CALN1: variants seen among roughly 807,000 people sequenced by gnomAD.
The protein encoded by CALN1 is calneuron 1.
A neutral mutation model predicts 30.6 loss-of-function variants in CALN1; 17 were observed. The ratio of observed to expected loss-of-function variants is 0.56; its 90% confidence interval spans 0.38 to 0.83. The LOEUF is 0.83. Ranked by LOEUF, CALN1 falls within the 40% of genes least tolerant of loss-of-function variation. The pLI is 0.00. For missense variants in CALN1, 291 were observed against 354.9 expected, an observed-to-expected ratio of 0.82 and a Z score of 1.45; for synonymous variants, 156 against 131.4, an observed-to-expected ratio of 1.19 and a Z score of -1.28.
chr7:72,079,472 G>A (rs192013469), intron 4 of CALN1, among the ~76,000 whole-genome samples: 59 of 152,142 alleles, frequency 3.9e-4, no homozygotes, highest in African/African-American at 1.2e-3. Flanking sequence ...CGTAGCTCAC[G>A]GCCACACAGC....
At chr7:72,298,061 A>C (rs967877864) in intron 2 of CALN1, among the ~76,000 whole-genome samples, 1 of 152,206 alleles carries the variant, frequency 6.6e-6, no homozygotes, top group African/African-American at 2.4e-5. Context: ...GACATTTCCA[A>C]AAACATCTAT....
At chr7:72,435,641 G>C (rs1419521901) in intron 1 of CALN1, among the ~76,000 whole-genome samples, 2 of 152,192 alleles carry the variant, frequency 1.3e-5, no homozygotes, top group Non-Finnish European at 1.5e-5. Flanking sequence ...GTCCCACTTA[G>C]GGCTCTCTGG....
At chr7:71,974,145 T>C (rs1010214877) in intron 5 of CALN1, among the ~76,000 whole-genome samples, 4 of 152,128 alleles carry the variant, frequency 2.6e-5, no homozygotes, top group Non-Finnish European at 5.9e-5. Context: ...TGGCTGGGCA[T>C]GGTGGTTCAC....
At chr7:71,921,667 G>A (rs542594365) in intron 5 of CALN1, among the ~76,000 whole-genome samples, 181 of 152,230 alleles carry the variant, frequency 1.2e-3, no homozygotes, top group African/African-American at 4.0e-3. Flanking sequence ...TATCTACCAC[G>A]TTAGGATTAA....
At chr7:72,259,116 A>G (rs1796113391) in intron 3 of CALN1, among the ~76,000 whole-genome samples, 1 of 151,186 alleles carries the variant, frequency 6.6e-6, no homozygotes, top group South Asian at 2.1e-4. Flanking sequence ...ATATATATGT[A>G]TGCATCAAAA....
At chr7:71,853,119 C>G (rs1258684375) in intron 5 of CALN1, among the ~76,000 whole-genome samples, 1 of 151,920 alleles carries the variant, frequency 6.6e-6, no homozygotes, top group African/African-American at 2.4e-5. Flanking sequence ...CTCTGTCACC[C>G]AGGCTGGAGT....
chr7:72,362,615 C>A (rs1032339494), intron 2 of CALN1, among the ~76,000 whole-genome samples: 1 of 152,200 alleles, frequency 6.6e-6, no homozygotes, highest in Non-Finnish European at 1.5e-5. Context: ...TCATCTCACA[C>A]TCTTTTACCG....
Position 72,159,053 on chromosome 7 carries a change from A to G in CALN1, c.245-52759T>C, listed in dbSNP as rs377128891. Among the ~76,000 whole-genome samples the G allele has an allele frequency of 1.7e-3, 251 of 151,984 alleles. 2 individuals carry two copies. Among genetic ancestry groups the G allele is most frequent in the Middle Eastern group, 6.8e-3 (2 of 294 alleles). On this transcript the variant is annotated intron_variant, in intron 3 of 6. Coordinates refer to ENST00000395275, the MANE Select transcript of CALN1 (RefSeq NM_031468.4). The stretch of plus-strand genomic sequence containing the variant: ...TTTTTAGTAGAGATGGGGTTTCTCC[A>G]TGTTGGCCAGGCTGGTCTCAAACTC...
chr7:71,827,068 G>GCAGAGCCTGGGCTTGTCA (rs1173821754), intron 5 of CALN1, among the ~76,000 whole-genome samples: 2 of 152,176 alleles, frequency 1.3e-5, no homozygotes, highest in African/African-American at 4.8e-5. Context: ...AGGTCACGTC[G>GCAGAGCCTGGGCTTGTCA]CAGAGCCTGG....
intron 5 of CALN1, among the ~76,000 whole-genome samples, chr7:71,893,906 C>T (rs1240320782): frequency 5.9e-5 from 9 of 152,068 alleles, no homozygotes; most frequent in Admixed American, 5.9e-4. Context: ...TCTTAGAGAT[C>T]TGTGTATGTT....
intron 5 of CALN1, among the ~76,000 whole-genome samples, chr7:71,931,536 G>A (rs1024120422): frequency 3.9e-5 from 6 of 152,182 alleles, no homozygotes; most frequent in African/African-American, 1.4e-4. Flanking sequence ...CAAAGTGCTG[G>A]AATTACAAGC....
intron 1 of CALN1, among the ~76,000 whole-genome samples, chr7:72,444,046 C>T (rs1808444763): frequency 6.6e-6 from 1 of 151,306 alleles, no homozygotes; most frequent in South Asian, 2.1e-4. Context: ...AAATCAATGA[C>T]TCTCCCCAGT....
At chr7:72,340,040 G>A (rs1225721554) in intron 2 of CALN1, among the ~76,000 whole-genome samples, 1 of 152,166 alleles carries the variant, frequency 6.6e-6, no homozygotes, top group Non-Finnish European at 1.5e-5. Context: ...CCATTAAACT[G>A]ATCGACTAGC....
intron 5 of CALN1, among the ~76,000 whole-genome samples, chr7:71,880,509 T>A (rs1792500908): frequency 1.3e-5 from 2 of 152,146 alleles, no homozygotes; most frequent in Admixed American, 6.5e-5. Context: ...CCTTCTCTTT[T>A]CTTCTATGTT....
At chr7:72,463,161 G>A in the CALN1 span, among the ~76,000 whole-genome samples, 3 of 152,090 alleles carry the variant, frequency 2.0e-5, no homozygotes, top group Non-Finnish European at 4.4e-5. Flanking sequence ...TTGCTCTGTT[G>A]CCCAGGCTGG....
At position 72,077,365 on chromosome 7, in the gene CALN1, C is replaced by T. The variant is rs375543721; in HGVS notation, c.388+28786G>A. Among the ~76,000 whole-genome samples, 4 of 152,316 alleles carry T rather than the reference C, an allele frequency of 2.6e-5. No individual in the cohort carries two copies. In the East Asian group the frequency reaches 7.7e-4, roughly 29 times the overall value. On this transcript the variant is annotated intron_variant, in intron 4 of 6. Transcript: ENST00000395275. ...CTTGGCTCACTTGAATCTCTGCCTC[C>T]TGGGTTCAAGCGATTCTCCTGCCTC... is the stretch of plus-strand genomic sequence containing the variant.
At chr7:72,460,690 G>A in the CALN1 span, among the ~76,000 whole-genome samples, 1 of 152,120 alleles carries the variant, frequency 6.6e-6, no homozygotes, top group Non-Finnish European at 1.5e-5. Flanking sequence ...TGAGATTTCT[G>A]TGAACGCATG....
chr7:71,872,922 T>C (rs1298095162), intron 5 of CALN1, among the ~76,000 whole-genome samples: 1 of 151,884 alleles, frequency 6.6e-6, no homozygotes, highest in African/African-American at 2.4e-5. Flanking sequence ...CCGTGCTTTA[T>C]TTTTCCATGG....
chr7:72,204,053 G>A (rs375183455), intron 3 of CALN1, among the ~76,000 whole-genome samples: 7 of 132,964 alleles, frequency 5.3e-5, no homozygotes, highest in East Asian at 2.5e-4. Context: ...GTGCAGTGGC[G>A]CAATCTCAGC....
Sources: allele counts gnomAD v4.1 joint callset (sites outside exome capture counted in the v4.1 genomes callset), GRCh38; gene constraint gnomAD v4.1.1; transcripts MANE v1.5; gene names NCBI Gene and HGNC (gene_info 2026-07-23, HGNC 2026-07-21).